SGCZ: variants seen among roughly 807,000 people sequenced by gnomAD.
The protein encoded by SGCZ is zeta-sarcoglycan.
SGCZ carries 40 observed loss-of-function variants against 41.3 expected under a neutral mutation model. The ratio of observed to expected loss-of-function variants is 0.97; its 90% CI spans 0.75 to 1.26. The LOEUF is 1.26. Ranked by LOEUF, SGCZ falls within the 50% of genes most tolerant of loss-of-function variation. The pLI is 0.00. For synonymous variants in SGCZ, 206 were observed against 137.5 expected (o/e 1.50, Z -3.49); for missense variants, 552 against 369.8 (o/e 1.49, Z -4.04).
At chr8:14,636,010 A>G (rs1348903029) in intron 1 of SGCZ, among the ~76,000 whole-genome samples, 1 of 151,938 alleles carries the variant, frequency 6.6e-6, no homozygotes, top group Admixed American at 6.6e-5. Context: ...GAGGCTTGCA[A>G]AAGAAGAGCT....
intron 1 of SGCZ, among the ~76,000 whole-genome samples, chr8:15,201,231 G>A (rs936905927): frequency 7.2e-5 from 11 of 152,110 alleles, no homozygotes; most frequent in Admixed American, 2.0e-4. Context: ...TGGCCGGGCT[G>A]GTCTCGAACT....
chr8:14,273,976 G>A (rs1419181410), intron 3 of SGCZ, among the ~76,000 whole-genome samples: 1 of 152,030 alleles, frequency 6.6e-6, no homozygotes, highest in South Asian at 2.1e-4. Flanking sequence ...CAAACATTCA[G>A]ACAAATGGTC....
At chr8:14,652,075 A>G (rs757314150) in intron 1 of SGCZ, among the ~76,000 whole-genome samples, 4 of 151,982 alleles carry the variant, frequency 2.6e-5, no homozygotes, top group Non-Finnish European at 5.9e-5. Context: ...ATAACAAAAC[A>G]TGCTTTTCTG....
At chr8:15,120,480 G>C (rs1015032510) in intron 1 of SGCZ, among the ~76,000 whole-genome samples, 1 of 152,044 alleles carries the variant, frequency 6.6e-6, no homozygotes, top group African/African-American at 2.4e-5. Flanking sequence ...CATTATCAAA[G>C]ATGTTTCTTT....
chr8:14,417,336 T>A (rs529867543), intron 2 of SGCZ, among the ~76,000 whole-genome samples: 25 of 152,020 alleles, frequency 1.6e-4, no homozygotes, highest in Non-Finnish European at 3.1e-4. Flanking sequence ...ATATAAATTT[T>A]AAATTGTTCA....
chr8:14,153,725 G>C (rs777383676), intron 5 of SGCZ, among the ~76,000 whole-genome samples: 3 of 152,042 alleles, frequency 2.0e-5, no homozygotes, highest in Non-Finnish European at 2.9e-5. Flanking sequence ...GATGTGTCTA[G>C]AATCTCAGAG....
chr8:14,525,175 GATA>G (rs1802907815), intron 2 of SGCZ, among the ~76,000 whole-genome samples: 3 of 143,226 alleles, frequency 2.1e-5, no homozygotes, highest in Non-Finnish European at 4.7e-5. Flanking sequence ...TAGATAGATA[GATA>G]GATAGATAGA....
At position 15,141,400 on chromosome 8, in the gene SGCZ, T is replaced by C. The variant is rs372105769; in HGVS notation, c.39+96185A>G. Among the ~76,000 whole-genome samples the C allele has an allele frequency of 1.2e-4, 19 of 152,398 alleles. No homozygotes were observed. In the East Asian group the frequency reaches 2.3e-3, roughly 19 times the overall value. On this transcript the variant is annotated intron_variant, in intron 1 of 7. Transcript: ENST00000382080. ...TAGGGCGTCAGCCATATTACATGAA[T>C]GTCCTGGAGTTTGGGAGCACAGAAT... is the stretch of plus-strand genomic sequence containing the variant.
At chr8:15,130,883 C>A (rs1585594847) in intron 1 of SGCZ, among the ~76,000 whole-genome samples, 1 of 152,028 alleles carries the variant, frequency 6.6e-6, no homozygotes, top group African/African-American at 2.4e-5. Flanking sequence ...TGTTTTTTCA[C>A]AATATTCTTA....
intron 4 of SGCZ, among the ~76,000 whole-genome samples, chr8:14,225,123 G>C (rs183721811): frequency 6.6e-6 from 1 of 151,928 alleles, no homozygotes; most frequent in Non-Finnish European, 1.5e-5. Context: ...CTAGTTTTAC[G>C]TTACTTGCAT....
At chr8:14,336,610 T>C (rs1593626) in intron 2 of SGCZ, among the ~76,000 whole-genome samples, 56,737 of 152,036 alleles carry the variant, frequency 0.37, 12,660 homozygotes, top group South Asian at 0.69. Flanking sequence ...TGTTATGTTA[T>C]GACTTTTTAA....
chr8:14,140,810 G>GA (rs1476625290), intron 5 of SGCZ, among the ~76,000 whole-genome samples: 1 of 151,840 alleles, frequency 6.6e-6, no homozygotes, highest in African/African-American at 2.4e-5. Flanking sequence ...CACAGAATTG[G>GA]AAAAAAACTA....
chr8:14,492,769 C>T (rs1340357326), intron 2 of SGCZ, among the ~76,000 whole-genome samples: 1 of 152,102 alleles, frequency 6.6e-6, no homozygotes, highest in Non-Finnish European at 1.5e-5. Flanking sequence ...GCAACCTGGA[C>T]GTCTCTTCAC....
At chr8:14,582,603 G>GCA (rs368595316) in intron 1 of SGCZ, among the ~76,000 whole-genome samples, 6,899 of 149,058 alleles carry the variant, frequency 0.046, 415 homozygotes, top group African/African-American at 0.14. Flanking sequence ...CTGGTGTGCT[G>GCA]CCCATTAACT....
At chr8:15,166,368 C>T (rs562013518) in intron 1 of SGCZ, among the ~76,000 whole-genome samples, 2 of 152,106 alleles carry the variant, frequency 1.3e-5, no homozygotes, top group Non-Finnish European at 2.9e-5. Flanking sequence ...CTGCCTCAGC[C>T]TCCTGGGTAG....
chr8:14,637,802 G>A (rs894409073), intron 1 of SGCZ, among the ~76,000 whole-genome samples: 6 of 151,704 alleles, frequency 4.0e-5, no homozygotes, highest in Admixed American at 6.6e-5. Context: ...TATCTTTTTG[G>A]TGGAACAATT....
intron 2 of SGCZ, among the ~76,000 whole-genome samples, chr8:14,390,047 G>A (rs533505862): frequency 2.3e-4 from 35 of 151,874 alleles, no homozygotes; most frequent in South Asian, 8.3e-4. Context: ...TGAGTTATCC[G>A]TTTGTAGAAC....
intron 1 of SGCZ, among the ~76,000 whole-genome samples, chr8:14,906,620 G>C (rs1419178283): frequency 6.6e-6 from 1 of 152,114 alleles, no homozygotes; most frequent in Non-Finnish European, 1.5e-5. Context: ...AATCACTTTG[G>C]TATTTGTACT....
intron 2 of SGCZ, among the ~76,000 whole-genome samples, chr8:14,355,230 A>T (rs1028804801): frequency 2.0e-5 from 3 of 152,102 alleles, no homozygotes; most frequent in Non-Finnish European, 4.4e-5. Flanking sequence ...GGAATGCAAC[A>T]TAATTTATAT....
Sources: gnomAD v4.1 joint callset for allele counts (sites outside exome capture counted in the v4.1 genomes callset) on GRCh38, gnomAD v4.1.1 for gene constraint, MANE v1.5 for transcripts, NCBI Gene and HGNC (gene_info 2026-07-23, HGNC 2026-07-21) for gene names.